FAF1: variants seen among roughly 807,000 people sequenced by gnomAD.
FAF1 encodes the protein Fas associated factor 1.
A neutral mutation model predicts 92.5 loss-of-function variants in FAF1; 25 were observed. The ratio of observed to expected loss-of-function variants is 0.27; its 90% CI spans 0.20 to 0.38. The LOEUF is 0.38. FAF1 is among the 10% of genes least tolerant of loss of function. The pLI is 1.00. For missense variants in FAF1, 636 were observed against 793.3 expected, an observed-to-expected ratio of 0.80 and a Z score of 2.38; for synonymous variants, 234 against 273.2, an observed-to-expected ratio of 0.86 and a Z score of 1.42.
chr1:50,704,503 T>A (rs146974867), intron 7 of FAF1, among the ~76,000 whole-genome samples: 3 of 152,176 alleles, frequency 2.0e-5, no homozygotes, highest in African/African-American at 7.2e-5. Context: ...GATTTTACTA[T>A]CCTGTAAAAT....
chr1:50,778,755 G>T (rs931485056), intron 4 of FAF1, among the ~76,000 whole-genome samples: 2 of 151,950 alleles, frequency 1.3e-5, no homozygotes, highest in African/African-American at 4.8e-5. Flanking sequence ...AGGAGTTCAA[G>T]GCCACAGTAA....
intron 1 of FAF1, among the ~76,000 whole-genome samples, chr1:50,959,407 TC>T (rs1279298344): frequency 6.6e-6 from 1 of 151,650 alleles, no homozygotes; most frequent in East Asian, 1.9e-4. Context: ...CATACATCTC[TC>T]CCCACAGAAC....
chr1:50,819,802 C>CAT lies in FAF1; in HGVS notation c.115-18127_115-18126dup, dbSNP rs760445644. On this transcript the variant is annotated intron_variant, in intron 2 of 18. Transcript: ENST00000396153. ...ACATATATATACATATATATATATA[C>CAT]ATATATATATATATATAGTATTGTA... 2.3e-3 allele frequency among the ~76,000 whole-genome samples: 198 copies of CAT among 86,196 alleles called. 6 individuals carry two copies. Among genetic ancestry groups the CAT allele is most frequent in the South Asian group, 0.016 (37 of 2,330 alleles). 56.5% of individuals were successfully genotyped at this position (86,196 alleles called of 152,430 possible).
intron 7 of FAF1, among the ~76,000 whole-genome samples, chr1:50,698,356 G>A (rs1429298920): frequency 3.3e-5 from 5 of 152,016 alleles, no homozygotes; most frequent in African/African-American, 1.2e-4. Flanking sequence ...AGGAATCTAG[G>A]AGTTAATATT....
chr1:50,778,642 C>T (rs1024454526), intron 4 of FAF1, among the ~76,000 whole-genome samples: 1 of 152,114 alleles, frequency 6.6e-6, no homozygotes, highest in African/African-American at 2.4e-5. Flanking sequence ...GATCATCTTC[C>T]TCACTGTCTT....
intron 9 of FAF1, among the ~76,000 whole-genome samples, chr1:50,587,817 C>G (rs1178774469): frequency 6.6e-6 from 1 of 152,088 alleles, no homozygotes; most frequent in Non-Finnish European, 1.5e-5. Context: ...GAAGAGAGGA[C>G]CTAAATCATA....
intron 6 of FAF1, among the ~76,000 whole-genome samples, chr1:50,714,400 C>T (rs1172925255): frequency 6.6e-6 from 1 of 151,658 alleles, no homozygotes; most frequent in Admixed American, 6.6e-5. Flanking sequence ...GTAATCCCAG[C>T]TACGCAGGAG....
chr1:50,547,987 T>C (rs529470848), intron 13 of FAF1, among the ~76,000 whole-genome samples: 2 of 152,348 alleles, frequency 1.3e-5, no homozygotes, highest in South Asian at 4.1e-4. Context: ...TTAGGAGGGA[T>C]AATAGAGAAC....
At chr1:50,935,855 C>G (rs928973038) in intron 1 of FAF1, among the ~76,000 whole-genome samples, 1 of 152,200 alleles carries the variant, frequency 6.6e-6, no homozygotes, top group Admixed American at 6.6e-5. Context: ...ATGTTTTCAT[C>G]TGATTTCAAC....
chr1:50,712,932 TG>T (rs1268159447), intron 6 of FAF1, among the ~76,000 whole-genome samples: 6 of 151,706 alleles, frequency 4.0e-5, no homozygotes, highest in Non-Finnish European at 8.8e-5. Context: ...GAGGCCAAGG[TG>T]GGTGGGTCAC....
chr1:50,575,187 C>G (rs542475248), intron 12 of FAF1, among the ~76,000 whole-genome samples: 37 of 152,128 alleles, frequency 2.4e-4, no homozygotes, highest in South Asian at 8.3e-4. Context: ...GGATTACAGG[C>G]GTGAGCCACT....
At chr1:50,867,045 C>T (rs918040644) in intron 1 of FAF1, among the ~76,000 whole-genome samples, 2 of 151,994 alleles carry the variant, frequency 1.3e-5, no homozygotes, top group Admixed American at 1.3e-4. Context: ...TACTTATAGC[C>T]AACCAATCTT....
chr1:50,819,070 T>C (rs1409680620), intron 2 of FAF1, among the ~76,000 whole-genome samples: 1 of 152,198 alleles, frequency 6.6e-6, no homozygotes, highest in Non-Finnish European at 1.5e-5. Context: ...AAGTTTCAGA[T>C]TGTGGAGCAT....
intron 8 of FAF1, among the ~76,000 whole-genome samples, chr1:50,627,799 G>C (rs1335542644): frequency 6.6e-6 from 1 of 151,828 alleles, no homozygotes; most frequent in African/African-American, 2.4e-5. Flanking sequence ...GTACATTCAT[G>C]ATTTGTGTAT....
At chr1:50,771,970 A>C (rs937790258) in intron 4 of FAF1, among the ~76,000 whole-genome samples, 2 of 152,234 alleles carry the variant, frequency 1.3e-5, no homozygotes, top group Non-Finnish European at 2.9e-5. Context: ...AAATGCAAAA[A>C]AAATTGACAG....
chr1:50,782,341 T>C (rs935224429), intron 4 of FAF1, among the ~76,000 whole-genome samples: 15 of 152,126 alleles, frequency 9.9e-5, no homozygotes, highest in South Asian at 2.1e-4. Flanking sequence ...GTGATATTGA[T>C]GATCCTGACC....
intron 8 of FAF1, among the ~76,000 whole-genome samples, chr1:50,634,301 A>G (rs1320478842): frequency 1.3e-5 from 2 of 152,214 alleles, no homozygotes; most frequent in South Asian, 2.1e-4. Context: ...TATCTTCACA[A>G]TCTTTCTCAA....
rs1425692332 is a variant in FAF1, at chr1:50,952,660, G to A, written c.45+7107C>T. On this transcript the variant is annotated intron_variant, in intron 1 of 18. Transcript: ENST00000396153. ...CCGGCCGCCATCCCGTCTAGGAAGT[G>A]AGGAGCATCTCTGCCCGGCCGCCCA... Among the ~76,000 whole-genome samples, 3 of 151,852 alleles carry A rather than the reference G, an allele frequency of 2.0e-5. No individual in the cohort carries two copies. The East Asian group carries it at 5.8e-4, about 29-fold the overall frequency.
chr1:50,607,013 C>T (rs1268929922), intron 8 of FAF1: 1 of 152,090 alleles, frequency 6.6e-6, no homozygotes, highest in Non-Finnish European at 1.5e-5. Flanking sequence ...AACAAACAAA[C>T]AAACAAATGA....
Sources: allele counts gnomAD v4.1 joint callset (sites outside exome capture counted in the v4.1 genomes callset), GRCh38; gene constraint gnomAD v4.1.1; transcripts MANE v1.5; gene names NCBI Gene and HGNC (gene_info 2026-07-23, HGNC 2026-07-21).